Variants in BBX observed in about 807,000 individuals in gnomAD.
BBX encodes HMG box transcription factor BBX.
A neutral mutation model predicts 100.2 loss-of-function variants in BBX; 30 were observed. The observed-to-expected ratio is 0.30, with a 90% confidence interval of 0.22 to 0.41. The LOEUF is 0.41. Among genes scored for constraint, BBX ranks in the 10% least tolerant of loss-of-function variants. The pLI is 1.00. For missense variants in BBX, 1,023 were observed against 1,129.8 expected (o/e 0.91, Z 1.35); for synonymous variants, 376 against 388.1 (o/e 0.97, Z 0.37).
rs778368771 is a variant in BBX at position 107,710,435 on chromosome 3, C to G, written c.-9-17C>G. 2 of 1,576,036 alleles carry G rather than the reference C, an allele frequency of 1.3e-6. No individual in the cohort carries two copies. The highest frequency in any genetic ancestry group is 2.3e-5 in the South Asian group (2 of 85,512). ...TCTCCCTGTTTCCCTGTTTCTCTCT[C>G]TCTCTTCCTATTACAGGTCACAGTA... is the stretch of plus-strand genomic sequence containing the variant. On this transcript the variant is annotated splice_polypyrimidine_tract_variant and intron_variant, in intron 3 of 17. Transcript: ENST00000325805.
chr3:107,711,172 C>T (rs765090328), intron 4 of BBX: 13 of 349,078 alleles, frequency 3.7e-5, no homozygotes, highest in Non-Finnish European at 5.8e-5. Flanking sequence ...CTCAAGTGTT[C>T]GTCCCACCCA....
chr3:107,619,809 G>C (rs2055601965), intron 2 of BBX, among the ~76,000 whole-genome samples: 1 of 152,024 alleles, frequency 6.6e-6, no homozygotes, highest in Admixed American at 6.5e-5. Context: ...TCTGTCATTT[G>C]AATGTTATTC....
chr3:107,542,180 C>T (rs1424479268), intron 2 of BBX, among the ~76,000 whole-genome samples: 1 of 151,706 alleles, frequency 6.6e-6, no homozygotes, highest in Non-Finnish European at 1.5e-5. Context: ...CTTTAAGTTC[C>T]CCAAGAGTAA....
intron 3 of BBX, among the ~76,000 whole-genome samples, chr3:107,703,493 ATTTC>A (rs941839708): frequency 1.3e-5 from 2 of 152,128 alleles, no homozygotes; most frequent in African/African-American, 4.8e-5. Flanking sequence ...AAAACTACAT[ATTTC>A]TTTATGAGTT....
At chr3:107,721,724 A>T in intron 5 of BBX, among the ~76,000 whole-genome samples, 1 of 151,706 alleles carries the variant, frequency 6.6e-6, no homozygotes, top group East Asian at 1.9e-4. Flanking sequence ...ATGTTTATAA[A>T]CTCATTTTAT....
intron 2 of BBX, among the ~76,000 whole-genome samples, chr3:107,588,407 C>T (rs1337080694): frequency 6.6e-6 from 1 of 152,052 alleles, no homozygotes; most frequent in Non-Finnish European, 1.5e-5. Flanking sequence ...GGAAGCCAGC[C>T]TGGATTGAGT....
chr3:107,666,606 G>GA (rs2058755800), intron 3 of BBX, among the ~76,000 whole-genome samples: 1 of 152,062 alleles, frequency 6.6e-6, no homozygotes, highest in African/African-American at 2.4e-5. Flanking sequence ...TCGCTCTATT[G>GA]GCAGACTGGA....
chr3:107,632,631 T>A (rs987746980), intron 2 of BBX, among the ~76,000 whole-genome samples: 1 of 152,198 alleles, frequency 6.6e-6, no homozygotes, highest in Non-Finnish European at 1.5e-5. Flanking sequence ...ATCTGTATAG[T>A]GGAATTTTAA....
chr3:107,573,285 T>C lies in BBX; in HGVS notation c.-84+46887T>C, dbSNP rs756932208. On this transcript the variant is annotated intron_variant, in intron 2 of 17. Transcript: ENST00000325805. Reference sequence around the variant, plus strand: ...ATAAATAAAATGTTTGTTGGCTGGGTGCGGTGGCTCACGTCTGTAATCCCA... The same window carrying C: ...ATAAATAAAATGTTTGTTGGCTGGGCGCGGTGGCTCACGTCTGTAATCCCA... Among the ~76,000 whole-genome samples the C allele has an allele frequency of 5.7e-4, 86 of 152,134 alleles. 3 individuals carry two copies. The highest frequency in any genetic ancestry group is 2.9e-5 in the Non-Finnish European group (2 of 68,014).
At chr3:107,693,470 G>T (rs1213286258) in intron 3 of BBX, among the ~76,000 whole-genome samples, 3 of 151,086 alleles carry the variant, frequency 2.0e-5, no homozygotes, top group African/African-American at 4.9e-5. Context: ...TTTCCCCATT[G>T]CTTGTTTTTC....
intron 3 of BBX, among the ~76,000 whole-genome samples, chr3:107,681,579 A>G (rs115201180): frequency 3.3e-5 from 5 of 152,214 alleles, no homozygotes; most frequent in African/African-American, 4.8e-5. Context: ...CAAGTAAGGA[A>G]CTATCTCACT....
intron 2 of BBX, among the ~76,000 whole-genome samples, chr3:107,584,514 A>G (rs2052668437): frequency 6.6e-6 from 1 of 151,018 alleles, no homozygotes; most frequent in Non-Finnish European, 1.5e-5. Context: ...GGTAATTATT[A>G]CCAAATAATT....
At chr3:107,594,222 CCT>C (rs1359111352) in intron 2 of BBX, among the ~76,000 whole-genome samples, 2 of 152,126 alleles carry the variant, frequency 1.3e-5, no homozygotes, top group South Asian at 2.1e-4. Context: ...CTTTCCTCCC[CCT>C]GTCTAGTAGC....
chr3:107,655,234 T>G (rs1253519520), intron 3 of BBX, among the ~76,000 whole-genome samples: 1 of 152,118 alleles, frequency 6.6e-6, no homozygotes, highest in Non-Finnish European at 1.5e-5. Context: ...CTCCCCCAAT[T>G]TTGCAATTTT....
intron 12 of BBX, among the ~76,000 whole-genome samples, chr3:107,777,470 A>T (rs1384359695): frequency 1.3e-5 from 2 of 152,098 alleles, no homozygotes; most frequent in Non-Finnish European, 2.9e-5. Flanking sequence ...CCTCTTCCCA[A>T]TACACCTTCT....
chr3:107,805,363 T>G lies in BBX; in HGVS notation c.2739-7T>G, dbSNP rs756638641. 5.0e-6 allele frequency: 8 copies of G among 1,605,058 alleles called. No individual in the cohort carries two copies. The highest frequency in any genetic ancestry group is 5.1e-6 in the Non-Finnish European group (6 of 1,175,742). On this transcript the variant is annotated splice_region_variant and splice_polypyrimidine_tract_variant and intron_variant, in intron 17 of 17. Coordinates refer to ENST00000325805, the MANE Select transcript of BBX (RefSeq NM_001142568.3). Reference sequence around the variant, plus strand: ...ATAAGTGACTTTTTCTTCCTTTTATTTTACAGAGGTCAGAGGTCAACTCCG... The same window carrying G: ...ATAAGTGACTTTTTCTTCCTTTTATGTTACAGAGGTCAGAGGTCAACTCCG...
intron 10 of BBX, among the ~76,000 whole-genome samples, chr3:107,772,046 G>T (rs1050396772): frequency 6.6e-6 from 1 of 151,972 alleles, no homozygotes; most frequent in East Asian, 1.9e-4. Context: ...CTGATTTTTG[G>T]TTTAAGAATT....
intron 15 of BBX, among the ~76,000 whole-genome samples, 179 bp downstream of exon 15, chr3:107,791,478 G>A (rs930503388): frequency 6.6e-6 from 1 of 152,204 alleles, no homozygotes; most frequent in Admixed American, 6.5e-5. Context: ...CTCCTGCCAA[G>A]GGTCAGGCAA....
At chr3:107,749,665 C>T (rs1430073733) in intron 9 of BBX, among the ~76,000 whole-genome samples, 1 of 149,962 alleles carries the variant, frequency 6.7e-6, no homozygotes, top group Non-Finnish European at 1.5e-5. Context: ...TGGAGTTTCG[C>T]CCTCATTACC....
Sources: gnomAD v4.1 joint callset for allele counts (sites outside exome capture counted in the v4.1 genomes callset) on GRCh38, gnomAD v4.1.1 for gene constraint, MANE v1.5 for transcripts, NCBI Gene and HGNC (gene_info 2026-07-23, HGNC 2026-07-21) for gene names.